The following ATP2B1 variants were observed in gnomAD, a reference collection of about 807,000 sequenced individuals.
The protein encoded by ATP2B1 is plasma membrane calcium-transporting ATPase 1.
In ATP2B1, 14 loss-of-function variants were observed where a neutral mutation model predicts 124.2. The ratio of observed to expected loss-of-function variants is 0.11; its 90% confidence interval spans 0.07 to 0.18. The LOEUF (loss-of-function observed/expected upper bound fraction) is 0.18, where lower values mean the gene tolerates loss of function less well. ATP2B1 is among the 10% of genes least tolerant of loss of function. The pLI, the probability that ATP2B1 is intolerant of heterozygous loss-of-function variation, is 1.00. For missense variants in ATP2B1, 763 were observed against 1,466.1 expected (o/e 0.52, Z 7.83); for synonymous variants, 449 against 492.4 (o/e 0.91, Z 1.17).
At chr12:89,696,529 T>C (rs1364698186) in intron 1 of ATP2B1, among the ~76,000 whole-genome samples, 1 of 152,132 alleles carries the variant, frequency 6.6e-6, no homozygotes, top group Non-Finnish European at 1.5e-5. Context: ...AAAAAGCACA[T>C]AATTATACCT....
At chr12:89,644,627 T>G (rs991207309) in intron 2 of ATP2B1, among the ~76,000 whole-genome samples, 2 of 151,944 alleles carry the variant, frequency 1.3e-5, no homozygotes, top group Admixed American at 6.6e-5. Context: ...AAGGCAGCAA[T>G]GGACTGCAGT....
chr12:89,644,122 CGAAAAAAAA>C (rs1592842627), intron 2 of ATP2B1, among the ~76,000 whole-genome samples: 1 of 150,508 alleles, frequency 6.6e-6, no homozygotes, highest in African/African-American at 2.5e-5. Flanking sequence ...ACTCTGTTTC[CGAAAAAAAA>C]GAAAGAAAGA....
intron 8 of ATP2B1, among the ~76,000 whole-genome samples, chr12:89,624,755 T>C (rs753201835): frequency 6.6e-6 from 1 of 152,196 alleles, no homozygotes; most frequent in Non-Finnish European, 1.5e-5. Flanking sequence ...AGCTCCCTGA[T>C]GCTTAAAGAG....
chr12:89,623,354 CTT>C (rs112050233), intron 9 of ATP2B1, among the ~76,000 whole-genome samples: 5 of 144,530 alleles, frequency 3.5e-5, no homozygotes, highest in Non-Finnish European at 6.1e-5. Flanking sequence ...CAAGCTACAT[CTT>C]TTTTTTTTTT....
intron 1 of ATP2B1, among the ~76,000 whole-genome samples, chr12:89,669,009 TGCTTCTATAATCTTTTTGA>T (rs1887619168): frequency 6.6e-6 from 1 of 152,122 alleles, no homozygotes; most frequent in Non-Finnish European, 1.5e-5. Flanking sequence ...TATGTATCTG[TGCTTCTATAATCTTTTTGA>T]GCTTCTACAA....
chr12:89,604,080 G>T, intron 16 of ATP2B1, 75 bp downstream of exon 16: 2 of 1,458,364 alleles, frequency 1.4e-6, no homozygotes, highest in Non-Finnish European at 1.9e-6. Flanking sequence ...TAAATATTAA[G>T]TATTTTTTAA....
chr12:89,659,170 T>C (rs758733790), intron 1 of ATP2B1, among the ~76,000 whole-genome samples: 17 of 152,248 alleles, frequency 1.1e-4, no homozygotes, highest in Admixed American at 2.6e-4. Context: ...TTTGCTTCTC[T>C]TTGTTTTCTA....
chr12:89,629,706 A>G (rs1196179518), intron 6 of ATP2B1, among the ~76,000 whole-genome samples: 1 of 152,226 alleles, frequency 6.6e-6, no homozygotes, highest in African/African-American at 2.4e-5. Context: ...ATATGGGTTT[A>G]CTATCCTAAA....
At position 89,646,500 on chromosome 12, in the gene ATP2B1, GAACAA is replaced by G. The variant is rs536997296; in HGVS notation, c.209-4150_209-4146del. On this transcript the variant is annotated intron_variant, in intron 2 of 20. Coordinates refer to ENST00000428670, the MANE Select transcript of ATP2B1 (RefSeq NM_001366521.1). ...GAGGCAAGGAAGGCAGGGGAGTGGG[GAACAA>G]AACAAAACATGTTCAGGTAGTACCA... Among the ~76,000 whole-genome samples, 20 of 152,188 alleles carry G rather than the reference GAACAA, an allele frequency of 1.3e-4. No homozygotes were observed. In the South Asian group the frequency reaches 4.2e-3, roughly 32 times the overall value.
chr12:89,655,137 C>T (rs1885804349), intron 2 of ATP2B1, among the ~76,000 whole-genome samples: 1 of 152,128 alleles, frequency 6.6e-6, no homozygotes, highest in Non-Finnish European at 1.5e-5. Flanking sequence ...AATTCAAAGA[C>T]TAAAAACTAG....
chr12:89,602,150 G>A (rs1260827825), intron 18 of ATP2B1, among the ~76,000 whole-genome samples: 1 of 152,140 alleles, frequency 6.6e-6, no homozygotes, highest in Non-Finnish European at 1.5e-5. Context: ...AATTAACTGG[G>A]GTTGGGTGTG....
intron 1 of ATP2B1, among the ~76,000 whole-genome samples, chr12:89,668,678 T>C (rs1286511004): frequency 2.0e-5 from 3 of 152,176 alleles, no homozygotes; most frequent in Non-Finnish European, 4.4e-5. Context: ...ATCTAGCCTA[T>C]AAACATTTCC....
Position 89,646,332 on chromosome 12 carries a change from C to T in ATP2B1, c.209-3977G>A, listed in dbSNP as rs899871126. Among the ~76,000 whole-genome samples the T allele has an allele frequency of 6.6e-5, 10 of 152,060 alleles. No individual in the cohort carries two copies. The South Asian group carries it at 1.2e-3, about 19-fold the overall frequency. ...CATCAATATACAGATGATTCTGGAG[C>T]CACAAGCCCAATGAGAGCTCTCAGA... On this transcript the variant is annotated intron_variant, in intron 2 of 20. Transcript: ENST00000428670.
At chr12:89,619,618 T>TAAAAAAA (rs367554417) in intron 11 of ATP2B1, among the ~76,000 whole-genome samples, 4 of 123,102 alleles carry the variant, frequency 3.2e-5, no homozygotes, top group South Asian at 2.4e-4. Flanking sequence ...CTTAAACAAA[T>TAAAAAAA]AAAAAAAAAA....
In ATP2B1 at chr12:89,612,491, T is replaced by C. The variant is rs1456111264; in HGVS notation, c.2068-1119A>G. Among the ~76,000 whole-genome samples, 5 of 151,828 alleles carry C rather than the reference T, an allele frequency of 3.3e-5. 1 individual carries two copies. Among genetic ancestry groups the C allele is most frequent in the Non-Finnish European group, 7.4e-5 (5 of 67,962 alleles). On this transcript the variant is annotated intron_variant, in intron 12 of 20. Coordinates refer to ENST00000428670, the MANE Select transcript of ATP2B1 (RefSeq NM_001366521.1). ...AAGAGCTATTTAGCTCTAGCCTATT[T>C]CTGCCATGATGGAATGAGACCCCAG...
intron 1 of ATP2B1, among the ~76,000 whole-genome samples, chr12:89,704,618 A>C (rs1295807571): frequency 6.6e-6 from 1 of 152,100 alleles, no homozygotes. Context: ...CAGAAAAAAA[A>C]CAAAAAACAA....
At chr12:89,685,657 T>C (rs567710228) in intron 1 of ATP2B1, among the ~76,000 whole-genome samples, 8 of 152,244 alleles carry the variant, frequency 5.3e-5, no homozygotes, top group African/African-American at 1.4e-4. Context: ...AACCATGTTT[T>C]AGTTGACTAA....
At position 89,665,106 on chromosome 12, in the gene ATP2B1, G is replaced by A. The variant is rs368767227; in HGVS notation, c.-221-8999C>T. Among the ~76,000 whole-genome samples the A allele has an allele frequency of 2.6e-5, 4 of 152,312 alleles. No homozygotes were observed. The East Asian group carries it at 7.7e-4, about 29-fold the overall frequency. On this transcript the variant is annotated intron_variant, in intron 1 of 20. Coordinates refer to ENST00000428670, the MANE Select transcript of ATP2B1 (RefSeq NM_001366521.1). ...GGCCTCCCAAAGTGCTGGGAGTACA[G>A]GCGTGAGCCACCACACCCGGCCTAT...
At chr12:89,707,990 G>A (rs543033478) in intron 1 of ATP2B1, among the ~76,000 whole-genome samples, 2 of 152,312 alleles carry the variant, frequency 1.3e-5, no homozygotes, top group East Asian at 1.9e-4. Flanking sequence ...TGAACATCCT[G>A]GGGGGCCAGA....
Sources: allele counts gnomAD v4.1 joint callset (sites outside exome capture counted in the v4.1 genomes callset), GRCh38; gene constraint gnomAD v4.1.1; transcripts MANE v1.5; gene names NCBI Gene and HGNC (gene_info 2026-07-23, HGNC 2026-07-21).